SPEF2: variants seen among roughly 807,000 people sequenced by gnomAD.
SPEF2 encodes the protein sperm flagella and cilia-associated protein 2.
In SPEF2, 187 loss-of-function variants were observed where a neutral mutation model predicts 224.6. That is an observed-to-expected ratio of 0.83 (90% CI 0.74 to 0.94). The LOEUF (loss-of-function observed/expected upper bound fraction) is 0.94, where lower values mean the gene tolerates loss of function less well. SPEF2 is among the 40% of genes least tolerant of loss of function. The pLI, the probability that SPEF2 is intolerant of heterozygous loss-of-function variation, is 0.00. For missense variants in SPEF2, 2,170 were observed against 2,135.6 expected (o/e 1.02, Z -0.32); for synonymous variants, 715 against 707.3 (o/e 1.01, Z -0.17).
chr5:35,662,974 C>T (rs1749951041), intron 8 of SPEF2, among the ~76,000 whole-genome samples: 1 of 152,100 alleles, frequency 6.6e-6, no homozygotes, highest in Non-Finnish European at 1.5e-5. Flanking sequence ...TTTAAGGTTT[C>T]TTAACTATGC....
chr5:35,646,493 G>T (rs749168733), intron 4 of SPEF2, 174 bp from the exon 5 acceptor site: 2 of 507,172 alleles, frequency 3.9e-6, no homozygotes, highest in Admixed American at 3.7e-5. Flanking sequence ...TTCACAGTAA[G>T]TCATATTAAC....
At chr5:35,709,189 T>TTA in intron 19 of SPEF2, 68 bp downstream of exon 19, 1 of 1,582,164 alleles carries the variant, frequency 6.3e-7, no homozygotes, top group Non-Finnish European at 8.6e-7. Context: ...GAATTATAAA[T>TTA]TATAGTCTAT....
At chr5:35,634,046 T>C (rs1448061721) in intron 2 of SPEF2, among the ~76,000 whole-genome samples, 12 of 152,128 alleles carry the variant, frequency 7.9e-5, no homozygotes, top group Non-Finnish European at 1.3e-4. Flanking sequence ...GAGAAGAAAA[T>C]AGTTACGAAC....
At position 35,806,816 on chromosome 5, in the gene SPEF2, A is replaced by T; in HGVS notation, c.5120A>T (p.Asp1707Val). The T allele has an allele frequency of 6.2e-7, 1 of 1,614,054 alleles. No individual in the cohort carries two copies. The highest frequency in any genetic ancestry group is 8.5e-7 in the Non-Finnish European group (1 of 1,179,962). The change falls in exon 35 of 37, where the codon GAT becomes GTT. Residue 1707 changes from aspartate to valine, a missense_variant. Coordinates refer to ENST00000356031, the MANE Select transcript of SPEF2 (RefSeq NM_024867.4). ...GACACGGAGAAAAGGGAACAGAAGG[A>T]TGAAGAAATCCCTGAAAATGCAAAC... ...KDDTEKREQK[D>V]EEIPENANNE...
At chr5:35,769,867 C>A (rs1031256746) in intron 26 of SPEF2, among the ~76,000 whole-genome samples, 1 of 152,000 alleles carries the variant, frequency 6.6e-6, no homozygotes, top group Non-Finnish European at 1.5e-5. Flanking sequence ...CTTCTCATCC[C>A]CTCACCCCAT....
chr5:35,677,324 C>T (rs913152418), intron 10 of SPEF2, among the ~76,000 whole-genome samples: 5 of 152,104 alleles, frequency 3.3e-5, no homozygotes, highest in Non-Finnish European at 7.4e-5. Flanking sequence ...AGGCTACCAC[C>T]TCACTGATAA....
intron 8 of SPEF2, among the ~76,000 whole-genome samples, chr5:35,664,104 A>C (rs553114760): frequency 5.3e-5 from 8 of 152,142 alleles, no homozygotes; most frequent in Non-Finnish European, 1.0e-4. Flanking sequence ...AGCTCCATGC[A>C]TATGCCCCTT....
chr5:35,753,504 T>C lies in SPEF2; in HGVS notation c.3331-120T>C, dbSNP rs932318130. 5 of 1,305,484 alleles carry C rather than the reference T, an allele frequency of 3.8e-6. No homozygotes were observed. The South Asian group carries it at 6.6e-5, about 17-fold the overall frequency. The allele number at this position is 1,305,484 out of a possible 1,614,324, so 80.9% of individuals were successfully genotyped here. On this transcript the variant is annotated intron_variant, in intron 23 of 36. Transcript: ENST00000356031. The stretch of plus-strand genomic sequence containing the variant: ...GAGCACATACAATACAGGAGTGCAA[T>C]TGGTGTAAAATTTCTTTAGAGACAT...
chr5:35,743,424 T>C (rs1355422117), intron 23 of SPEF2, among the ~76,000 whole-genome samples: 2 of 152,160 alleles, frequency 1.3e-5, no homozygotes, highest in Admixed American at 6.5e-5. Flanking sequence ...CCATGGATAC[T>C]AGAAAACAAC....
chr5:35,787,759 A>G, intron 30 of SPEF2: 1 of 526,756 alleles, frequency 1.9e-6, no homozygotes, highest in African/African-American at 1.9e-5. Context: ...TAAGCACTCC[A>G]TAAAATTTTT....
At position 35,785,283 on chromosome 5, in the gene SPEF2, C is replaced by A. The variant is rs1754940339; in HGVS notation, c.4447+5937C>A. 2.6e-5 allele frequency among the ~76,000 whole-genome samples: 4 copies of A among 152,220 alleles called. No individual in the cohort carries two copies. In the South Asian group the frequency reaches 8.3e-4, roughly 32 times the overall value. On this transcript the variant is annotated intron_variant, in intron 30 of 36. Coordinates refer to ENST00000356031, the MANE Select transcript of SPEF2 (RefSeq NM_024867.4). ...AGATCACAGAAATGCAGTAGTGGATCTAGAAGGCTTTAGATCTGTTAAAAC... is the reference window on the plus strand; with the variant it reads ...AGATCACAGAAATGCAGTAGTGGATATAGAAGGCTTTAGATCTGTTAAAAC...
chr5:35,738,144 T>C (rs574744260), intron 21 of SPEF2, among the ~76,000 whole-genome samples: 4 of 152,188 alleles, frequency 2.6e-5, no homozygotes, highest in African/African-American at 9.6e-5. Flanking sequence ...ATTGCAAAAA[T>C]TTTCTCCCCT....
intron 30 of SPEF2, among the ~76,000 whole-genome samples, chr5:35,791,338 T>G (rs1430920132): frequency 6.6e-6 from 1 of 152,180 alleles, no homozygotes; most frequent in Non-Finnish European, 1.5e-5. Context: ...CTCAAAATTG[T>G]GTATTTGATT....
At chr5:35,708,607 T>TA (rs1324649838) in intron 18 of SPEF2, among the ~76,000 whole-genome samples, 3 of 82,782 alleles carry the variant, frequency 3.6e-5, no homozygotes, top group Non-Finnish European at 7.5e-5. Context: ...CACCACAGAC[T>TA]TCACCACCTC....
chr5:35,674,752 AG>A (rs1269656787), intron 10 of SPEF2, among the ~76,000 whole-genome samples: 1 of 152,098 alleles, frequency 6.6e-6, no homozygotes, highest in African/African-American at 2.4e-5. Flanking sequence ...CTAGCCTCCA[AG>A]TACCATCACA....
Position 35,806,840 on chromosome 5 carries a change from A to G in SPEF2, c.5144A>G (p.Asn1715Ser), listed in dbSNP as rs2149873788. Reference sequence around the variant, plus strand: ...GATGAAGAAATCCCTGAAAATGCAAACAATGAAAAGATGTCCATGGAAACA... The same window carrying G: ...GATGAAGAAATCCCTGAAAATGCAAGCAATGAAAAGATGTCCATGGAAACA... ...QKDEEIPENA[N>S]NEKMSMETLL... The change falls in exon 35 of 37, where the codon AAC becomes AGC. Residue 1715 changes from asparagine to serine, a missense_variant. By Grantham distance (46) the Asn-to-Ser change is conservative (BLOSUM62 1). Transcript: ENST00000356031. The G allele has an allele frequency of 6.2e-7, 1 of 1,614,090 alleles. No homozygotes were observed. Among genetic ancestry groups the G allele is most frequent in the East Asian group, 2.2e-5 (1 of 44,866 alleles).
At chr5:35,653,806 G>T (rs1423147021) in intron 6 of SPEF2, among the ~76,000 whole-genome samples, 1 of 151,562 alleles carries the variant, frequency 6.6e-6, no homozygotes, top group Non-Finnish European at 1.5e-5. Flanking sequence ...AATTAGCCGG[G>T]CGTGGTGGCG....
At chr5:35,715,556 G>T (rs967783253) in intron 20 of SPEF2, among the ~76,000 whole-genome samples, 1 of 152,010 alleles carries the variant, frequency 6.6e-6, no homozygotes, top group Non-Finnish European at 1.5e-5. Flanking sequence ...ACAGGAAAAT[G>T]TCTCTTCCTC....
At chr5:35,720,759 C>G (rs750600073) in intron 20 of SPEF2, among the ~76,000 whole-genome samples, 19 of 152,136 alleles carry the variant, frequency 1.2e-4, no homozygotes, top group Non-Finnish European at 2.6e-4. Flanking sequence ...GATTGAGCAT[C>G]ATTTTGGCAA....
Sources: gnomAD v4.1 joint callset for allele counts (sites outside exome capture counted in the v4.1 genomes callset) on GRCh38, gnomAD v4.1.1 for gene constraint, MANE v1.5 for transcripts, NCBI Gene and HGNC (gene_info 2026-07-23, HGNC 2026-07-21) for gene names.